The following PALM2AKAP2 variants were observed in gnomAD, a reference collection of about 807,000 sequenced individuals.
PALM2AKAP2 encodes PALM2-AKAP2 fusion protein.
A neutral mutation model predicts 71.5 loss-of-function variants in PALM2AKAP2; 37 were observed. That is an observed-to-expected ratio of 0.52 (90% CI 0.40 to 0.68). The LOEUF (loss-of-function observed/expected upper bound fraction) is 0.68. PALM2AKAP2 is among the 30% of genes least tolerant of loss of function. The pLI, the probability that PALM2AKAP2 is intolerant of heterozygous loss-of-function variation, is 0.00. For missense variants in PALM2AKAP2, 1,224 were observed against 1,191.8 expected, an observed-to-expected ratio of 1.03 and a Z score of -0.40; for synonymous variants, 468 against 478.8, an observed-to-expected ratio of 0.98 and a Z score of 0.29.
chr9:110,086,073 C>T (rs1834565164), intron 1 of PALM2AKAP2, among the ~76,000 whole-genome samples: 1 of 148,246 alleles, frequency 6.7e-6, no homozygotes. Flanking sequence ...CACTACTGCA[C>T]TCCACCTGGG....
chr9:110,159,971 G>A (rs1836555013), intron 3 of PALM2AKAP2, among the ~76,000 whole-genome samples: 1 of 152,184 alleles, frequency 6.6e-6, no homozygotes, highest in Admixed American at 6.5e-5. Flanking sequence ...CACCTGGGCT[G>A]ATTTCTTTGT....
chr9:110,000,730 T>C (rs1832666807), intron 6 of PALM2AKAP2, among the ~76,000 whole-genome samples: 2 of 152,256 alleles, frequency 1.3e-5, no homozygotes, highest in South Asian at 4.1e-4. Flanking sequence ...TGGTATCTCA[T>C]TGTAGTTTTG....
intron 1 of PALM2AKAP2, among the ~76,000 whole-genome samples, chr9:110,119,864 A>G (rs1835446514): frequency 6.6e-6 from 1 of 152,142 alleles, no homozygotes; most frequent in Non-Finnish European, 1.5e-5. Context: ...TTTCTATTTG[A>G]GCCACCATTG....
chr9:110,080,782 G>A (rs989828864), intron 1 of PALM2AKAP2, among the ~76,000 whole-genome samples: 1 of 152,050 alleles, frequency 6.6e-6, no homozygotes. Context: ...GGGTTCAAGC[G>A]ATTCTCCTGC....
At position 110,001,252 on chromosome 9, in the gene PALM2AKAP2, A is replaced by G. The variant is rs9696408; in HGVS notation, c.497-14702A>G. On this transcript the variant is annotated intron_variant, in intron 6 of 9. Transcript: ENST00000302798. ...CATATGGCTAGCCAGTTTTCCCAGCACCATTTATTAAATAGGGAATTGTTT... is the reference window on the plus strand; with the variant it reads ...CATATGGCTAGCCAGTTTTCCCAGCGCCATTTATTAAATAGGGAATTGTTT... Among the ~76,000 whole-genome samples the G allele has an allele frequency of 1.0e-3, 153 of 152,288 alleles. 2 individuals are homozygous for G. Among genetic ancestry groups the G allele is most frequent in the African/African-American group, 3.6e-3 (148 of 41,552 alleles).
In PALM2AKAP2 at chr9:109,984,539, T is replaced by G. The variant is rs903750062; in HGVS notation, c.497-31415T>G. Among the ~76,000 whole-genome samples, 7 of 151,724 alleles carry G rather than the reference T, an allele frequency of 4.6e-5. No homozygotes were observed. The East Asian group carries it at 1.4e-3, about 29-fold the overall frequency. On this transcript the variant is annotated intron_variant, in intron 6 of 9. Transcript: ENST00000302798. ...AAGAATTAAAAAAAAAAAGTTAAAT[T>G]AAAATAGATAAATAAACAAAATTTT...
At chr9:110,137,372 C>T in exon 2 of PALM2AKAP2, 2 of 1,614,166 alleles carry the variant, frequency 1.2e-6, no homozygotes, top group Non-Finnish European at 1.7e-6. Context: ...TGTCGGGGGA[C>T]CTCCAGAAGA....
chr9:109,852,700 T>G (rs184322641), intron 1 of PALM2AKAP2, among the ~76,000 whole-genome samples: 1 of 152,318 alleles, frequency 6.6e-6, no homozygotes, highest in East Asian at 1.9e-4. Context: ...CATCTGTTGT[T>G]TTTTGACGTT....
At chr9:110,136,678 G>A in exon 2 of PALM2AKAP2, 1 of 1,614,162 alleles carries the variant, frequency 6.2e-7, no homozygotes, top group South Asian at 1.1e-5. Context: ...GGGACAGCCT[G>A]CAGGTGCCTG....
chr9:109,719,942 A>G (rs1252160184), intron 1 of PALM2AKAP2, among the ~76,000 whole-genome samples: 1 of 152,200 alleles, frequency 6.6e-6, no homozygotes. Context: ...GTGACATGTA[A>G]CACAATAAAC....
chr9:110,103,650 T>G (rs898834730), intron 1 of PALM2AKAP2, among the ~76,000 whole-genome samples: 1 of 152,262 alleles, frequency 6.6e-6, no homozygotes, highest in Non-Finnish European at 1.5e-5. Flanking sequence ...GCTACAAATC[T>G]TCTTTGCAGT....
chr9:109,764,986 C>T (rs1432587356), intron 1 of PALM2AKAP2, among the ~76,000 whole-genome samples: 1 of 152,114 alleles, frequency 6.6e-6, no homozygotes, highest in Non-Finnish European at 1.5e-5. Flanking sequence ...AATGAACAGC[C>T]ATGTATCTGA....
At chr9:109,691,364 C>T (rs1827882071) in intron 1 of PALM2AKAP2, among the ~76,000 whole-genome samples, 1 of 152,020 alleles carries the variant, frequency 6.6e-6, no homozygotes, top group Non-Finnish European at 1.5e-5. Flanking sequence ...TTATTTACAA[C>T]ATAGCCTCTT....
intron 3 of PALM2AKAP2, among the ~76,000 whole-genome samples, chr9:109,911,850 A>AGAAG (rs35238930): frequency 6.6e-6 from 1 of 151,670 alleles, no homozygotes; most frequent in Non-Finnish European, 1.5e-5. Context: ...CACTTGGGAG[A>AGAAG]AGGTATAGAT....
intron 1 of PALM2AKAP2, among the ~76,000 whole-genome samples, chr9:109,756,457 T>A (rs765642953): frequency 2.6e-5 from 4 of 152,212 alleles, no homozygotes; most frequent in Non-Finnish European, 5.9e-5. Flanking sequence ...TATTTTGTTG[T>A]TTGCCTTTTG....
At chr9:109,968,773 C>G (rs1832005553) in intron 6 of PALM2AKAP2, among the ~76,000 whole-genome samples, 1 of 152,170 alleles carries the variant, frequency 6.6e-6, no homozygotes, top group Non-Finnish European at 1.5e-5. Context: ...CTACATTTCA[C>G]TTCAAAACTC....
At chr9:110,136,499 G>A (rs1338535741) in exon 2 of PALM2AKAP2, 1 of 1,613,918 alleles carries the variant, frequency 6.2e-7, no homozygotes, top group Non-Finnish European at 8.5e-7. Context: ...GGTTCTGGTG[G>A]GCGGCCTAAG....
At chr9:109,839,210 G>A (rs1828580452) in intron 1 of PALM2AKAP2, among the ~76,000 whole-genome samples, 1 of 152,154 alleles carries the variant, frequency 6.6e-6, no homozygotes, top group Non-Finnish European at 1.5e-5. Flanking sequence ...CTTCATCCCT[G>A]GGATTCAAGG....
intron 1 of PALM2AKAP2, among the ~76,000 whole-genome samples, chr9:109,756,839 AT>A (rs968632176): frequency 5.3e-5 from 8 of 151,898 alleles, no homozygotes; most frequent in Non-Finnish European, 7.4e-5. Context: ...ACCATCTTTA[AT>A]TTTTTTTGAT....
Sources: gnomAD v4.1 joint callset for allele counts (sites outside exome capture counted in the v4.1 genomes callset) on GRCh38, gnomAD v4.1.1 for gene constraint, MANE v1.5 for transcripts, NCBI Gene and HGNC (gene_info 2026-07-23, HGNC 2026-07-21) for gene names.